Variants in ZNF503 observed in about 807,000 individuals in gnomAD.
ZNF503 encodes NocA-like zinc finger 2.
A neutral mutation model predicts 34.4 loss-of-function variants in ZNF503; 15 were observed. That is an observed-to-expected ratio of 0.44 (90% CI 0.29 to 0.67). ZNF503 has a LOEUF of 0.67. ZNF503 is among the 30% of genes least tolerant of loss of function. The pLI is 0.13. For missense variants in ZNF503, 1,007 were observed against 926.8 expected, an observed-to-expected ratio of 1.09 and a Z score of -1.12; for synonymous variants, 580 against 456.8, an observed-to-expected ratio of 1.27 and a Z score of -3.44.
the ZNF503 span, among the ~76,000 whole-genome samples, chr10:75,332,980 G>T: frequency 6.9e-6 from 1 of 145,686 alleles, no homozygotes; most frequent in Non-Finnish European, 1.5e-5. Flanking sequence ...CGTTCTCAAT[G>T]AGCTGTTGGG....
At chr10:75,378,761 G>A in the ZNF503 span, among the ~76,000 whole-genome samples, 1 of 152,166 alleles carries the variant, frequency 6.6e-6, no homozygotes, top group East Asian at 1.9e-4. Context: ...CACAAGCACA[G>A]ATGCACACAC....
chr10:75,294,804 G>A, the ZNF503 span, among the ~76,000 whole-genome samples: 1 of 152,138 alleles, frequency 6.6e-6, no homozygotes, highest in African/African-American at 2.4e-5. Flanking sequence ...GGCCCGGGAG[G>A]GCGCGCGGAG....
At chr10:75,297,511 T>G in the ZNF503 span, among the ~76,000 whole-genome samples, 1 of 152,220 alleles carries the variant, frequency 6.6e-6, no homozygotes, top group East Asian at 1.9e-4. Flanking sequence ...TATTTGTGGA[T>G]GTATTAATGA....
At chr10:75,311,291 G>A in the ZNF503 span, among the ~76,000 whole-genome samples, 1 of 152,124 alleles carries the variant, frequency 6.6e-6, no homozygotes, top group Non-Finnish European at 1.5e-5. Context: ...TGATTAGATT[G>A]TGCCCACCCA....
chr10:75,280,932 TGTG>T, the ZNF503 span, among the ~76,000 whole-genome samples: 7 of 151,826 alleles, frequency 4.6e-5, no homozygotes, highest in Non-Finnish European at 1.0e-4. Context: ...ATGAGGGTGA[TGTG>T]GTGGGCGAGA....
At chr10:75,339,488 T>G in the ZNF503 span, among the ~76,000 whole-genome samples, 2 of 152,210 alleles carry the variant, frequency 1.3e-5, no homozygotes, top group Non-Finnish European at 2.9e-5. Context: ...TCACCTGAGA[T>G]AACCTCTGAA....
the ZNF503 span, among the ~76,000 whole-genome samples, chr10:75,372,677 G>A: frequency 6.6e-6 from 1 of 152,186 alleles, no homozygotes. Flanking sequence ...GAGTAGGTCG[G>A]TGTTTTCAGA....
At chr10:75,395,372 G>A (rs1043062821), downstream of ZNF503, among the ~76,000 whole-genome samples, 2 of 152,182 alleles carry the variant, frequency 1.3e-5, no homozygotes, top group African/African-American at 2.4e-5. This position sits in a 1 kb window ranked among gnomAD's most constrained non-coding sequence, Gnocchi z 4.4. Context: ...CCTGGACACC[G>A]CTCCCAAAGC....
the ZNF503 span, among the ~76,000 whole-genome samples, chr10:75,294,834 G>A: frequency 3.9e-5 from 6 of 151,994 alleles, no homozygotes; most frequent in Non-Finnish European, 8.8e-5. Flanking sequence ...GCGAGGGGCC[G>A]CCTGTCAGGG....
chr10:75,335,369 A>C, the ZNF503 span, among the ~76,000 whole-genome samples: 1 of 152,206 alleles, frequency 6.6e-6, no homozygotes, highest in African/African-American at 2.4e-5. Flanking sequence ...TCCACTGGCT[A>C]CTGGATAAAG....
At chr10:75,336,814 G>A in the ZNF503 span, among the ~76,000 whole-genome samples, 50 of 152,294 alleles carry the variant, frequency 3.3e-4, no homozygotes, top group African/African-American at 1.2e-3. Context: ...TGGCTAGGGT[G>A]TCACTCTCAG....
chr10:75,286,144 C>T, the ZNF503 span, among the ~76,000 whole-genome samples: 1 of 151,896 alleles, frequency 6.6e-6, no homozygotes, highest in Non-Finnish European at 1.5e-5. Context: ...TTAGCTGGTC[C>T]TGGTGGCACG....
At chr10:75,324,669 TTTA>T in the ZNF503 span, among the ~76,000 whole-genome samples, 23 of 152,206 alleles carry the variant, frequency 1.5e-4, no homozygotes, top group Non-Finnish European at 2.9e-4. Context: ...ATATATTTGT[TTTA>T]TTGAGATATA....
the ZNF503 span, among the ~76,000 whole-genome samples, chr10:75,338,628 A>G: frequency 1.3e-5 from 2 of 152,284 alleles, no homozygotes; most frequent in Admixed American, 6.5e-5. Flanking sequence ...CAGGGCCCTC[A>G]TCCCTCTCCT....
chr10:75,380,574 G>C, the ZNF503 span, among the ~76,000 whole-genome samples: 2 of 152,200 alleles, frequency 1.3e-5, no homozygotes, highest in Non-Finnish European at 2.9e-5. Context: ...TTTAAGATCA[G>C]CAATAATGAG....
chr10:75,344,304 T>C, the ZNF503 span, among the ~76,000 whole-genome samples: 1 of 152,358 alleles, frequency 6.6e-6, no homozygotes, highest in East Asian at 1.9e-4. Flanking sequence ...GCATCTCCTC[T>C]TCCTACTTGC....
chr10:75,400,506 T>G (rs1589134171), intron 1 of ZNF503, 132 bp from the exon 2 acceptor site: 1 of 1,428,954 alleles, frequency 7.0e-7, no homozygotes, highest in African/African-American at 1.4e-5. Context: ...CAAGGCGCAA[T>G]TCTAGGCGGC....
Position 75,401,502 on chromosome 10 carries a change from G to T in ZNF503, c.-83C>A. 6.9e-7 allele frequency: 1 copy of T among 1,455,234 alleles called. No homozygotes were observed. Among genetic ancestry groups the T allele is most frequent in the Non-Finnish European group, 9.1e-7 (1 of 1,102,736 alleles). 90.1% of individuals were successfully genotyped at this position (1,455,234 alleles called of 1,614,324 possible). A position where few individuals can be genotyped will look rare whatever the true frequency, so the allele number is the denominator to read the frequency against. ...GCTCGGGGCTGCGCGCTCGCCCCGGGAGCAGGAGCAGCGGGAGGAGGAGGA... is the reference window on the plus strand; with the variant it reads ...GCTCGGGGCTGCGCGCTCGCCCCGGTAGCAGGAGCAGCGGGAGGAGGAGGA... On this transcript the variant is annotated 5_prime_UTR_variant, in exon 1 of 2. Transcript: ENST00000372524.
chr10:75,306,227 A>T, the ZNF503 span, among the ~76,000 whole-genome samples: 2 of 152,178 alleles, frequency 1.3e-5, no homozygotes, highest in Admixed American at 6.5e-5. Context: ...AAAAAATAAC[A>T]GTCACCCTAA....
Sources: gnomAD v4.1 joint callset for allele counts (sites outside exome capture counted in the v4.1 genomes callset) on GRCh38, gnomAD v4.1.1 for gene constraint, Gnocchi (gnomAD v3.1) non-coding constraint, MANE v1.5 for transcripts, NCBI Gene and HGNC (gene_info 2026-07-23, HGNC 2026-07-21) for gene names.